Variants in EFL1 observed in about 807,000 individuals in gnomAD.
EFL1 encodes the protein elongation factor-like GTPase 1.
Under a neutral mutation model 126.7 loss-of-function variants are expected in EFL1, and 76 were observed. That is an observed-to-expected ratio of 0.60 (90% CI 0.50 to 0.73). The LOEUF (loss-of-function observed/expected upper bound fraction) is 0.73, where lower values mean the gene tolerates loss of function less well. Ranked by LOEUF, EFL1 falls within the 30% of genes least tolerant of loss-of-function variation. The pLI, the probability that EFL1 is intolerant of heterozygous loss-of-function variation, is 0.00. For missense variants in EFL1, 1,128 were observed against 1,343.2 expected (o/e 0.84, Z 2.50); for synonymous variants, 410 against 448.4 (o/e 0.91, Z 1.08).
chr15:82,246,507 TAAG>T (rs1273964210), intron 4 of EFL1, among the ~76,000 whole-genome samples: 1 of 151,910 alleles, frequency 6.6e-6, no homozygotes, highest in Non-Finnish European at 1.5e-5. Context: ...TAACTTTGAC[TAAG>T]AAGGGGGAAG....
intron 7 of EFL1, among the ~76,000 whole-genome samples, chr15:82,232,341 T>C (rs753551938): frequency 2.0e-5 from 3 of 152,244 alleles, no homozygotes; most frequent in Non-Finnish European, 4.4e-5. Context: ...TGTGACATTT[T>C]CTTTCTTTTA....
chr15:82,204,677 C>G (rs2074506041), intron 15 of EFL1, among the ~76,000 whole-genome samples: 1 of 152,220 alleles, frequency 6.6e-6, no homozygotes. Context: ...AAATGTCTCA[C>G]TATCTGTTCC....
chr15:82,234,593 A>C (rs2141320134), intron 7 of EFL1, among the ~76,000 whole-genome samples: 1 of 152,260 alleles, frequency 6.6e-6, no homozygotes, highest in African/African-American at 2.4e-5. Context: ...AATCTGGTCA[A>C]AGGGAAATTG....
Position 82,184,980 on chromosome 15 carries a change from G to C in EFL1, c.1751-20996C>G, listed in dbSNP as rs577875377. ...TAAATAGGAGACCTTCATTTCCCCA[G>C]ACTGTGCTAACATGAAGCAAATGTT... On this transcript the variant is annotated intron_variant, in intron 15 of 19. Coordinates refer to ENST00000268206, the MANE Select transcript of EFL1 (RefSeq NM_024580.6). 6.6e-5 allele frequency among the ~76,000 whole-genome samples: 10 copies of C among 152,308 alleles called. No individual in the cohort carries two copies. In the East Asian group the frequency reaches 1.7e-3, roughly 26 times the overall value.
At chr15:82,141,708 GA>G (rs1201988115) in intron 18 of EFL1, among the ~76,000 whole-genome samples, 1 of 140,046 alleles carries the variant, frequency 7.1e-6, no homozygotes, top group Admixed American at 7.1e-5. Context: ...AAACAAAAAA[GA>G]AACGTTTGAA....
At chr15:82,222,426 A>C (rs2074721315) in intron 12 of EFL1, among the ~76,000 whole-genome samples, 2 of 152,214 alleles carry the variant, frequency 1.3e-5, no homozygotes, top group African/African-American at 2.4e-5. Flanking sequence ...ATCTTATGTA[A>C]ATGTGATTTC....
chr15:82,179,237 G>A (rs774638002), intron 15 of EFL1, among the ~76,000 whole-genome samples: 3 of 152,170 alleles, frequency 2.0e-5, no homozygotes, highest in African/African-American at 7.2e-5. Flanking sequence ...CTCAGGTAAT[G>A]AGAAAAGCCT....
At chr15:82,218,576 A>C (rs1595989914) in intron 14 of EFL1, among the ~76,000 whole-genome samples, 2 of 152,186 alleles carry the variant, frequency 1.3e-5, no homozygotes. Flanking sequence ...CTGATACTTG[A>C]CCCTTACTGA....
intron 6 of EFL1, among the ~76,000 whole-genome samples, chr15:82,239,665 T>TA (rs1308310083): frequency 6.6e-6 from 1 of 152,224 alleles, no homozygotes; most frequent in Non-Finnish European, 1.5e-5. Flanking sequence ...GCAAACGATC[T>TA]AATTCTTCAG....
At chr15:82,152,534 A>T in intron 17 of EFL1, 111 bp from the exon 18 acceptor site, 1 of 946,198 alleles carries the variant, frequency 1.1e-6, no homozygotes, top group Non-Finnish European at 1.5e-6. Flanking sequence ...AGGAACATAA[A>T]AATTATCTTA....
In EFL1 at chr15:82,154,504, T is replaced by C. The variant is rs1170208945; in HGVS notation, c.2031-2081A>G. On this transcript the variant is annotated intron_variant, in intron 17 of 19. Coordinates refer to ENST00000268206, the MANE Select transcript of EFL1 (RefSeq NM_024580.6). ...ATACACATTCTTAATGTAAGCATAA[T>C]TGTGAAATGTAATAGTCATATAGAA... Among the ~76,000 whole-genome samples the C allele has an allele frequency of 2.6e-5, 4 of 152,142 alleles. No individual in the cohort carries two copies. In the East Asian group the frequency reaches 5.8e-4, roughly 22 times the overall value.
chr15:82,229,135 A>C (rs764605791), intron 8 of EFL1, 25 bp from the exon 9 acceptor site: 1 of 1,577,448 alleles, frequency 6.3e-7, no homozygotes, highest in East Asian at 2.3e-5. Context: ...ATACGGGCTT[A>C]AGTTCCTGAA....
At chr15:82,187,877 T>C (rs1182352518) in intron 15 of EFL1, among the ~76,000 whole-genome samples, 2 of 152,190 alleles carry the variant, frequency 1.3e-5, no homozygotes, top group Non-Finnish European at 2.9e-5. Context: ...TCATTATTCT[T>C]TGGAGCAATA....
At chr15:82,133,368 AT>A (rs1304541385) in intron 19 of EFL1, among the ~76,000 whole-genome samples, 4 of 152,210 alleles carry the variant, frequency 2.6e-5, no homozygotes, top group African/African-American at 9.7e-5. Context: ...TGAAAGTCAT[AT>A]GGTAAAGCAC....
rs772826552 is a variant in EFL1 at position 82,238,993 on chromosome 15, G to A, written c.517-472C>T. 2.6e-5 allele frequency among the ~76,000 whole-genome samples: 4 copies of A among 152,148 alleles called. No individual in the cohort carries two copies. In the South Asian group the frequency reaches 8.3e-4, roughly 32 times the overall value. ...ACTCCCAAATAGGCAGTAATCTTAT[G>A]TCCTACCTCAGAGAGAAAATGGAAC... is the stretch of plus-strand genomic sequence containing the variant. On this transcript the variant is annotated intron_variant, in intron 6 of 19. Transcript: ENST00000268206.
chr15:82,219,999 C>T, intron 13 of EFL1, 79 bp downstream of exon 13: 1 of 1,512,210 alleles, frequency 6.6e-7, no homozygotes, highest in South Asian at 1.4e-5. Context: ...TTAAAAATCT[C>T]AAGAACTAAA....
intron 17 of EFL1, among the ~76,000 whole-genome samples, chr15:82,156,570 A>G (rs747715764): frequency 6.6e-6 from 1 of 152,316 alleles, no homozygotes; most frequent in African/African-American, 2.4e-5. Context: ...GGCGTGAGCC[A>G]CCGTGCCTGG....
intron 16 of EFL1, among the ~76,000 whole-genome samples, chr15:82,162,654 T>G (rs1453781640): frequency 6.6e-6 from 1 of 152,182 alleles, no homozygotes; most frequent in Admixed American, 6.5e-5. Flanking sequence ...CCACAAAAAA[T>G]TCCTATCTCG....
At chr15:82,132,965 G>C (rs1231702702) in intron 19 of EFL1, among the ~76,000 whole-genome samples, 2 of 152,090 alleles carry the variant, frequency 1.3e-5, no homozygotes, top group Non-Finnish European at 2.9e-5. Context: ...GGCTGAGTCA[G>C]TATGGGCTCA....
Sources: gnomAD v4.1 joint callset for allele counts (sites outside exome capture counted in the v4.1 genomes callset) on GRCh38, gnomAD v4.1.1 for gene constraint, MANE v1.5 for transcripts, NCBI Gene and HGNC (gene_info 2026-07-23, HGNC 2026-07-21) for gene names.